BICC1: variants seen among roughly 807,000 people sequenced by gnomAD.
BICC1 encodes the protein BicC family RNA binding protein 1.
BICC1 carries 43 observed loss-of-function variants against 111.0 expected under a neutral mutation model. That is an observed-to-expected ratio of 0.39 (90% CI 0.30 to 0.50). The LOEUF (loss-of-function observed/expected upper bound fraction) is 0.50. Among genes scored for constraint, BICC1 ranks in the 20% least tolerant of loss-of-function variants. The pLI, the probability that BICC1 is intolerant of heterozygous loss-of-function variation, is 0.88. For missense variants in BICC1, 1,091 were observed against 1,203.2 expected (o/e 0.91, Z 1.38); for synonymous variants, 467 against 434.4 (o/e 1.07, Z -0.93).
At chr10:58,818,765 A>G (rs1159265062) in intron 19 of BICC1, among the ~76,000 whole-genome samples, 1 of 152,082 alleles carries the variant, frequency 6.6e-6, no homozygotes, top group East Asian at 1.9e-4. Flanking sequence ...ACCTTTCATA[A>G]TCAGTGCATT....
intron 20 of BICC1, among the ~76,000 whole-genome samples, chr10:58,827,078 G>A (rs939072523): frequency 1.3e-5 from 2 of 152,196 alleles, no homozygotes; most frequent in Non-Finnish European, 2.9e-5. Context: ...CCTGGCCACT[G>A]AAAACCCCAT....
intron 3 of BICC1, among the ~76,000 whole-genome samples, chr10:58,758,285 T>C (rs1264470118): frequency 1.3e-5 from 2 of 152,214 alleles, no homozygotes; most frequent in Non-Finnish European, 2.9e-5. Flanking sequence ...TATATACTTA[T>C]AGATTTGACA....
At chr10:58,644,415 CT>C (rs1449125872) in intron 2 of BICC1, among the ~76,000 whole-genome samples, 3 of 152,196 alleles carry the variant, frequency 2.0e-5, no homozygotes, top group Non-Finnish European at 2.9e-5. Context: ...CAGTTTAGCT[CT>C]TTTGAGTCAA....
At chr10:58,615,544 C>T in intron 1 of BICC1, among the ~76,000 whole-genome samples, 1 of 152,280 alleles carries the variant, frequency 6.6e-6, no homozygotes, top group East Asian at 1.9e-4. Context: ...GCAGCTTGTG[C>T]CCCAGTCGGC....
chr10:58,693,923 T>C (rs542831959), intron 2 of BICC1, among the ~76,000 whole-genome samples: 17 of 152,342 alleles, frequency 1.1e-4, no homozygotes, highest in African/African-American at 3.8e-4. Flanking sequence ...GTTTTAGACA[T>C]GAAGTCCTTG....
rs1275997538 is a variant in BICC1, at chr10:58,732,415, A to G, written c.307+30272A>G. 2.9e-4 allele frequency among the ~76,000 whole-genome samples: 11 copies of G among 37,474 alleles called. 1 individual carries two copies. The highest frequency in any genetic ancestry group is 9.1e-4 in the African/African-American group (11 of 12,144). The allele number at this position is 37,474 out of a possible 152,430, so 24.6% of individuals were successfully genotyped here. ...TATATATATATATATATATATATATATATATATATATATATATATATATAT... is the reference window on the plus strand; with the variant it reads ...TATATATATATATATATATATATATGTATATATATATATATATATATATAT... On this transcript the variant is annotated intron_variant, in intron 3 of 20. Coordinates refer to ENST00000373886, the MANE Select transcript of BICC1 (RefSeq NM_001080512.3).
intron 1 of BICC1, among the ~76,000 whole-genome samples, chr10:58,554,684 A>G (rs1391304615): frequency 1.3e-5 from 2 of 152,080 alleles, no homozygotes; most frequent in African/African-American, 4.8e-5. Flanking sequence ...TTTTTGATCC[A>G]TGAAATATAC....
At chr10:58,795,543 A>G (rs1461345726) in intron 9 of BICC1, among the ~76,000 whole-genome samples, 5 of 152,166 alleles carry the variant, frequency 3.3e-5, no homozygotes, top group Admixed American at 2.0e-4. Flanking sequence ...TCAGGGAAAA[A>G]TAGATTGTAA....
intron 3 of BICC1, among the ~76,000 whole-genome samples, chr10:58,723,079 C>T (rs1273970816): frequency 6.6e-6 from 1 of 152,212 alleles, no homozygotes; most frequent in Admixed American, 6.5e-5. Context: ...GGTATGGTCT[C>T]AGACTTAATG....
At chr10:58,610,614 C>CTT (rs58742721) in intron 1 of BICC1, among the ~76,000 whole-genome samples, 1 of 146,060 alleles carries the variant, frequency 6.8e-6, no homozygotes, top group Admixed American at 6.9e-5. Flanking sequence ...CTATCTAGCT[C>CTT]TTTTTTTTTT....
intron 3 of BICC1, among the ~76,000 whole-genome samples, chr10:58,742,870 G>A (rs1269501265): frequency 6.6e-6 from 1 of 152,044 alleles, no homozygotes; most frequent in Non-Finnish European, 1.5e-5. Flanking sequence ...TATCATTATT[G>A]TCATTCAGGT....
intron 3 of BICC1, chr10:58,716,209 G>GA (rs1325117935): frequency 2.9e-5 from 44 of 1,506,214 alleles, no homozygotes; most frequent in East Asian, 9.9e-5. Context: ...AAAAGCAACA[G>GA]AAAAAACAAA....
chr10:58,637,949 T>C (rs545759460), intron 2 of BICC1, among the ~76,000 whole-genome samples: 1 of 152,086 alleles, frequency 6.6e-6, no homozygotes, highest in African/African-American at 2.4e-5. Context: ...GGGGGAGGTA[T>C]GCGAACAGGA....
intron 2 of BICC1, among the ~76,000 whole-genome samples, chr10:58,677,122 C>CA (rs1380580116): frequency 2.0e-5 from 3 of 152,162 alleles, no homozygotes. Context: ...CTGAAAATTC[C>CA]AAAAACCAGA....
chr10:58,715,843 G>GA (rs1216281181), intron 3 of BICC1: 2 of 1,259,868 alleles, frequency 1.6e-6, no homozygotes, highest in African/African-American at 3.0e-5. Context: ...AAAGAAAAAA[G>GA]AAAAGAAGAA....
chr10:58,807,340 T>G (rs1843740989), intron 17 of BICC1, among the ~76,000 whole-genome samples, 182 bp downstream of exon 17: 2 of 152,216 alleles, frequency 1.3e-5, no homozygotes, highest in Non-Finnish European at 2.9e-5. Flanking sequence ...TTATGATCTT[T>G]TATCTGTATT....
chr10:58,718,786 G>A (rs1467611032), intron 3 of BICC1, among the ~76,000 whole-genome samples: 1 of 145,468 alleles, frequency 6.9e-6, no homozygotes, highest in Non-Finnish European at 1.5e-5. Context: ...GTGCGCGCGT[G>A]CGCACGCCCG....
chr10:58,721,523 A>G (rs1399141130), intron 3 of BICC1, among the ~76,000 whole-genome samples: 1 of 152,226 alleles, frequency 6.6e-6, no homozygotes. Context: ...GAATATGGCA[A>G]AATGCTTTAG....
At chr10:58,539,026 G>A (rs984709382) in intron 1 of BICC1, among the ~76,000 whole-genome samples, 4 of 151,344 alleles carry the variant, frequency 2.6e-5, no homozygotes, top group African/African-American at 9.7e-5. Context: ...ATGGAGATTT[G>A]ATCCATGAAT....
Sources: gnomAD v4.1 joint callset for allele counts (sites outside exome capture counted in the v4.1 genomes callset) on GRCh38, gnomAD v4.1.1 for gene constraint, MANE v1.5 for transcripts, NCBI Gene and HGNC (gene_info 2026-07-23, HGNC 2026-07-21) for gene names.